The following NOL9 variants were observed in gnomAD, a reference collection of about 807,000 sequenced individuals.
NOL9 encodes polynucleotide 5'-hydroxyl-kinase NOL9.
Under a neutral mutation model 67.9 loss-of-function variants are expected in NOL9, and 28 were observed. The observed-to-expected ratio is 0.41, with a 90% CI of 0.31 to 0.57. NOL9 has a LOEUF of 0.57. Among genes scored for constraint, NOL9 ranks in the 20% least tolerant of loss-of-function variants. NOL9 has a pLI of 0.25. For synonymous variants in NOL9, 356 were observed against 352.2 expected, an observed-to-expected ratio of 1.01 and a Z score of -0.12; for missense variants, 777 against 897.0, an observed-to-expected ratio of 0.87 and a Z score of 1.71.
rs1639617618 is a variant in NOL9, at chr1:6,554,284, C to T, written c.219G>A (p.Ala73=). 1 of 1,472,556 alleles carries T rather than the reference C, an allele frequency of 6.8e-7. No homozygotes were observed. Among genetic ancestry groups the T allele is most frequent in the Non-Finnish European group, 9.0e-7 (1 of 1,114,576 alleles). 91.2% of individuals were successfully genotyped at this position (1,472,556 alleles called of 1,614,324 possible). A position where few individuals can be genotyped will look rare whatever the true frequency, so the allele number is the denominator to read the frequency against. Residue 73 remains alanine, a synonymous_variant, in exon 1 of 12, where the codon GCG becomes GCA. Transcript: ENST00000377705. ...TCGCGGTGTTGGGTCTCCGGGCCGC[C>T]GCCGCGCGCGACACCTGGCGGGCTC... is the stretch of plus-strand genomic sequence containing the variant. The part of the protein sequence containing the change: ...REGARQVSRA[A]AARRPNTATP...
chr1:6,529,234 C>T (rs1447919996), intron 9 of NOL9, 63 bp from the exon 10 acceptor site: 1 of 1,432,296 alleles, frequency 7.0e-7, no homozygotes, highest in Non-Finnish European at 9.7e-7. Flanking sequence ...TTAATTTCTA[C>T]AACTAGATTA....
chr1:6,546,413 C>T (rs1236737007), intron 3 of NOL9, among the ~76,000 whole-genome samples: 3 of 152,156 alleles, frequency 2.0e-5, no homozygotes, highest in East Asian at 3.8e-4. Context: ...CACAACAGTC[C>T]GTTCGCTGTC....
At chr1:6,549,325 C>A (rs1639490137) in intron 3 of NOL9, 1 of 362,920 alleles carries the variant, frequency 2.8e-6, no homozygotes, top group Non-Finnish European at 5.1e-6. Flanking sequence ...TTAATAAAAA[C>A]CCAAAAAGCA....
chr1:6,536,623 T>C (rs1261378236), intron 6 of NOL9, among the ~76,000 whole-genome samples: 1 of 151,610 alleles, frequency 6.6e-6, no homozygotes, highest in Admixed American at 6.6e-5. Context: ...AGCTCCGGAG[T>C]TTGAGAGCAG....
intron 9 of NOL9, 33 bp from the exon 10 acceptor site, chr1:6,529,204 T>G: frequency 6.3e-7 from 1 of 1,590,734 alleles, no homozygotes; most frequent in Non-Finnish European, 8.6e-7. Flanking sequence ...ACTCTATTCA[T>G]GGCTACTTTG....
intron 1 of NOL9, among the ~76,000 whole-genome samples, chr1:6,552,490 T>G (rs1453689030): frequency 4.6e-5 from 7 of 152,320 alleles, no homozygotes; most frequent in African/African-American, 1.7e-4. Context: ...TGGGACAGTA[T>G]CAGCTTACCA....
In NOL9 at chr1:6,554,248, C is replaced by T. The variant is rs745882759; in HGVS notation, c.255G>A (p.Pro85=). Residue 85 remains proline (P), a synonymous_variant, in exon 1 of 12, where the codon CCG becomes CCA. Coordinates refer to ENST00000377705, the MANE Select transcript of NOL9 (RefSeq NM_024654.5). The part of the protein sequence containing the change: ...ARRPNTATPS[P]IPSPTPASEP... ...CGGAGGCCGGGGTCGGGCTAGGGAT[C>T]GGGCTGGGGGTCGCGGTGTTGGGTC... The T allele has an allele frequency of 2.7e-6, 4 of 1,500,370 alleles. No homozygotes were observed. The highest frequency in any genetic ancestry group is 4.4e-5 in the Admixed American group (2 of 45,652). 92.9% of individuals were successfully genotyped at this position (1,500,370 alleles called of 1,614,324 possible). A position where few individuals can be genotyped will look rare whatever the true frequency, so the allele number is the denominator to read the frequency against.
chr1:6,536,290 G>A (rs962006821), intron 6 of NOL9, among the ~76,000 whole-genome samples: 1 of 152,310 alleles, frequency 6.6e-6, no homozygotes, highest in East Asian at 1.9e-4. Flanking sequence ...AGCTTGCAGT[G>A]AGCCGAGATC....
chr1:6,547,982 C>T (rs921674446), intron 3 of NOL9: 86 of 292,024 alleles, frequency 2.9e-4, no homozygotes, highest in African/African-American at 1.8e-3. Flanking sequence ...CCGTCATAGG[C>T]TTCCTACAAT....
At chr1:6,528,403 A>T (rs1017583639) in intron 10 of NOL9, among the ~76,000 whole-genome samples, 4 of 152,220 alleles carry the variant, frequency 2.6e-5, no homozygotes, top group African/African-American at 9.6e-5. Context: ...AGGTGGAAGA[A>T]GCTGACATAT....
Position 6,554,496 on chromosome 1 carries a change from C to T in NOL9, c.7G>A (p.Asp3Asn). The change falls in exon 1 of 12, where the codon GAC becomes AAC. Residue 3 changes from aspartate to asparagine, a missense_variant. Physicochemically the swap from Asp to Asn is conservative, Grantham distance 23. This residue lies in a region of NOL9 where 364 missense variants were observed against 344.4 expected (regional missense o/e 1.06). Transcript: ENST00000377705. MA[D>N]SGLLLKRGSC... ...CCCCGCTTTAGCAGCAGTCCCGAGT[C>T]CGCCATGCTGGGTCCTCAGGGCCTA... 1.9e-6 allele frequency: 3 copies of T among 1,538,966 alleles called. No homozygotes were observed. The highest frequency in any genetic ancestry group is 2.6e-6 in the Non-Finnish European group (3 of 1,156,584).
In NOL9 at chr1:6,525,831, T is replaced by C. The variant is rs867459151; in HGVS notation, c.*23A>G. 2 of 1,613,256 alleles carry C rather than the reference T, an allele frequency of 1.2e-6. No individual in the cohort carries two copies. The highest frequency in any genetic ancestry group is 8.5e-7 in the Non-Finnish European group (1 of 1,179,494). On this transcript the variant is annotated 3_prime_UTR_variant, in exon 12 of 12. Coordinates refer to ENST00000377705, the MANE Select transcript of NOL9 (RefSeq NM_024654.5). ...CAAAGCTTTCTGGTAGGAAAGTTTC[T>C]TCCCTTATTAAAAACGCGAGCATCA...
At chr1:6,546,984 G>T (rs541907693) in intron 3 of NOL9, among the ~76,000 whole-genome samples, 1 of 152,124 alleles carries the variant, frequency 6.6e-6, no homozygotes, top group Non-Finnish European at 1.5e-5. Context: ...AGCAGCTTTC[G>T]CCACCGCTGT....
intron 6 of NOL9, among the ~76,000 whole-genome samples, chr1:6,536,729 C>A (rs1639165066): frequency 6.6e-6 from 1 of 151,958 alleles, no homozygotes; most frequent in Admixed American, 6.6e-5. Flanking sequence ...ACCTGCAAGG[C>A]TAGCCTGAGC....
intron 9 of NOL9, among the ~76,000 whole-genome samples, chr1:6,531,531 A>T (rs1639028301): frequency 1.3e-5 from 2 of 152,170 alleles, no homozygotes; most frequent in Non-Finnish European, 1.5e-5. Context: ...GTACTTTAAG[A>T]GTGTTCTCTG....
chr1:6,549,552 G>A lies in NOL9; in HGVS notation c.744+19C>T. The A allele has an allele frequency of 6.2e-7, 1 of 1,611,380 alleles. No homozygotes were observed. The highest frequency in any genetic ancestry group is 8.5e-7 in the Non-Finnish European group (1 of 1,178,842). Reference sequence around the variant, plus strand: ...TGGTGCAAGTAATTAGCAAAACTCTGAATGAAAACGGGTTCTACCTCTTGC... The same window carrying A: ...TGGTGCAAGTAATTAGCAAAACTCTAAATGAAAACGGGTTCTACCTCTTGC... On this transcript the variant is annotated intron_variant, in intron 3 of 11. Transcript: ENST00000377705.
chr1:6,533,342 T>C lies in NOL9; in HGVS notation c.1175A>G (p.Tyr392Cys). The part of the protein sequence containing the change: ...NYENYIDIVK[Y>C]VFSAYKRESP... ...CTCTCTCTTGTAAGCGCTGAACACATATTTCACTATGTCAATATAATTCTC... is the reference window on the plus strand; with the variant it reads ...CTCTCTCTTGTAAGCGCTGAACACACATTTCACTATGTCAATATAATTCTC... The change falls in exon 7 of 12, where the codon TAT (tyrosine) becomes TGT (cysteine). Residue 392 changes from tyrosine to cysteine, a missense_variant. Tyr to Cys is a radical substitution (Grantham distance 194). Transcript: ENST00000377705. 1 of 1,613,458 alleles carries C rather than the reference T, an allele frequency of 6.2e-7. No homozygotes were observed.
intron 9 of NOL9, among the ~76,000 whole-genome samples, chr1:6,530,871 C>T (rs540175197): frequency 5.3e-5 from 8 of 152,256 alleles, no homozygotes; most frequent in Non-Finnish European, 1.0e-4. Flanking sequence ...AGAGCACAGA[C>T]CTGGGCTCAG....
At chr1:6,553,903 G>A (rs1438821349) in intron 1 of NOL9, among the ~76,000 whole-genome samples, 1 of 152,130 alleles carries the variant, frequency 6.6e-6, no homozygotes, top group African/African-American at 2.4e-5. Context: ...GTAAGGCCTA[G>A]GGACCCCTTA....
Sources: allele counts gnomAD v4.1 joint callset (sites outside exome capture counted in the v4.1 genomes callset), GRCh38; gene constraint gnomAD v4.1.1; regional missense constraint gnomAD v4.1.1; transcripts MANE v1.5; gene names NCBI Gene and HGNC (gene_info 2026-07-23, HGNC 2026-07-21).